Variants in ZIC2 observed in about 807,000 individuals in gnomAD.
ZIC2 encodes the protein zinc finger protein ZIC 2.
Under a neutral mutation model 29.5 loss-of-function variants are expected in ZIC2, and 7 were observed. The ratio of observed to expected loss-of-function variants is 0.24; its 90% CI spans 0.14 to 0.45. The LOEUF (loss-of-function observed/expected upper bound fraction) is 0.45. Ranked by LOEUF, ZIC2 falls within the 20% of genes least tolerant of loss-of-function variation. The probability of loss-of-function intolerance (pLI) is 1.00; values close to 1 mark genes in which losing one functional copy is unlikely to be tolerated. For missense variants in ZIC2, 589 were observed against 781.2 expected, an observed-to-expected ratio of 0.75 and a Z score of 2.93; for synonymous variants, 408 against 354.2, an observed-to-expected ratio of 1.15 and a Z score of -1.70.
rs1463323720 is a variant in ZIC2, at chr13:99,982,364, C to T, written c.300C>T (p.Pro100=). 1 of 1,477,380 alleles carries T rather than the reference C, an allele frequency of 6.8e-7. No individual in the cohort carries two copies. The highest frequency in any genetic ancestry group is 2.6e-5 in the Admixed American group (1 of 39,106). The allele number at this position is 1,477,380 out of a possible 1,614,324, so 91.5% of individuals were successfully genotyped here. ...CCGCTGCGGCCGCAGCGCTCGGGCC[C>T]CACGCCGCGCACGTTGGCTCCTACT... The part of the protein sequence containing the change: ...AAAAAAAALG[P]HAAHVGSYSG... The change falls in exon 1 of 3, where the codon CCC becomes CCT. Residue 100 remains proline, a synonymous_variant. Transcript: ENST00000376335.
chr13:99,981,872 G>C lies in ZIC2; in HGVS notation c.-193G>C. 1 of 1,180,774 alleles carries C rather than the reference G, an allele frequency of 8.5e-7. No individual in the cohort carries two copies. The highest frequency in any genetic ancestry group is 1.6e-5 in the African/African-American group (1 of 61,266). The allele number at this position is 1,180,774 out of a possible 1,614,324, so 73.1% of individuals were successfully genotyped here. On this transcript the variant is annotated 5_prime_UTR_variant, in exon 1 of 3. Transcript: ENST00000376335. ...TCTCCGCGCCTTCGCTACGCGCCCG[G>C]CCGCCCGAGGCAGATCCAGGCGGCG...
Position 99,985,334 on chromosome 13 carries a change from C to A in ZIC2, c.1251C>A (p.Ser417=). 1.3e-6 allele frequency: 2 copies of A among 1,598,272 alleles called. No individual in the cohort carries two copies. Among genetic ancestry groups the A allele is most frequent in the Non-Finnish European group, 1.7e-6 (2 of 1,179,424 alleles). ...CTTTTGTCTTGCAGGTCCATGAGTCCTCCCCGCAGGGCTCTGAATCCTCCC... is the reference window on the plus strand; with the variant it reads ...CTTTTGTCTTGCAGGTCCATGAGTCATCCCCGCAGGGCTCTGAATCCTCCC... ...SLRKHMKVHE[S]SPQGSESSPA... Residue 417 remains serine, a synonymous_variant, in exon 3 of 3, where the codon TCC becomes TCA. Coordinates refer to ENST00000376335, the MANE Select transcript of ZIC2 (RefSeq NM_007129.5). The surrounding 1 kb of genome is among the most constrained non-coding windows in gnomAD (Gnocchi z 6.3).
chr13:99,983,736 T>A lies in ZIC2; in HGVS notation c.1075+597T>A, dbSNP rs901745299. Among the ~76,000 whole-genome samples, 4 of 152,154 alleles carry A rather than the reference T, an allele frequency of 2.6e-5. No homozygotes were observed. Among genetic ancestry groups the A allele is most frequent in the African/African-American group, 9.7e-5 (4 of 41,424 alleles). On this transcript the variant is annotated intron_variant, in intron 1 of 2. Coordinates refer to ENST00000376335, the MANE Select transcript of ZIC2 (RefSeq NM_007129.5). This position sits in a 1 kb window ranked among gnomAD's most constrained non-coding sequence, Gnocchi z 4.7. Reference sequence around the variant, plus strand: ...TGTGGTTTCGCAGCAGTTTGTGAAATTCTCTAATGGGCACCACAGAGTTTG... The same window carrying A: ...TGTGGTTTCGCAGCAGTTTGTGAAAATCTCTAATGGGCACCACAGAGTTTG...
rs1418556330 is a variant in ZIC2 at position 99,981,828 on chromosome 13, C to T, written c.-237C>T. On this transcript the variant is annotated 5_prime_UTR_variant, in exon 1 of 3. Coordinates refer to ENST00000376335, the MANE Select transcript of ZIC2 (RefSeq NM_007129.5). The stretch of plus-strand genomic sequence containing the variant: ...CCTCCTCCTCCTCCTCCCGCGCCGC[C>T]GCCTCCTCCTCCTCTTCCTCTCCGC... 3.8e-6 allele frequency: 3 copies of T among 780,774 alleles called. No individual in the cohort carries two copies. Among genetic ancestry groups the T allele is most frequent in the Non-Finnish European group, 5.6e-6 (3 of 531,840 alleles). The allele number at this position is 780,774 out of a possible 1,614,324, so 48.4% of individuals were successfully genotyped here.
rs111958831 is a variant in ZIC2 at position 99,983,476 on chromosome 13, C to T, written c.1075+337C>T. 6.6e-6 allele frequency among the ~76,000 whole-genome samples: 1 copy of T among 152,084 alleles called. No homozygotes were observed. Among genetic ancestry groups the T allele is most frequent in the African/African-American group, 2.4e-5 (1 of 41,394 alleles). ...TAAAACTGCTCGCTAATTCGGTGCC[C>T]GGGAAGCGAGCCTAGAGAGGATTTT... On this transcript the variant is annotated intron_variant, in intron 1 of 2. Transcript: ENST00000376335. The surrounding 1 kb of genome is among the most constrained non-coding windows in gnomAD (Gnocchi z 4.7).
At position 99,983,361 on chromosome 13, in the gene ZIC2, G is replaced by A. The variant is rs1019061347; in HGVS notation, c.1075+222G>A. Among the ~76,000 whole-genome samples the A allele has an allele frequency of 3.9e-5, 6 of 152,244 alleles. No homozygotes were observed. Among genetic ancestry groups the A allele is most frequent in the Non-Finnish European group, 8.8e-5 (6 of 68,050 alleles). ...GCGGAAATCGAGTTTTGAATGATTAGCCTCACATCAAATGTATGCTTGGGT... is the reference window on the plus strand; with the variant it reads ...GCGGAAATCGAGTTTTGAATGATTAACCTCACATCAAATGTATGCTTGGGT... On this transcript the variant is annotated intron_variant, in intron 1 of 2. Transcript: ENST00000376335. The surrounding 1 kb of genome is among the most constrained non-coding windows in gnomAD (Gnocchi z 4.7).
In ZIC2 at chr13:99,985,500, G is replaced by A. The variant is rs768225481; in HGVS notation, c.1417G>A (p.Ala473Thr). 5 of 1,181,268 alleles carry A rather than the reference G, an allele frequency of 4.2e-6. 1 individual carries two copies. The South Asian group carries it at 1.8e-4, about 44-fold the overall frequency. 73.2% of individuals were successfully genotyped at this position (1,181,268 alleles called of 1,614,324 possible). ...AAAAAAAAVS[A>T]VHRGGGSGSG... Reference sequence around the variant, plus strand: ...TGCGGCGGCGGCGGCCGCGGTGTCCGCGGTGCACCGGGGCGGAGGCTCGGG... The same window carrying A: ...TGCGGCGGCGGCGGCCGCGGTGTCCACGGTGCACCGGGGCGGAGGCTCGGG... Residue 473 changes from alanine (A) to threonine (T), a missense_variant, in exon 3 of 3, where the codon GCG becomes ACG. Physicochemically the swap from Ala to Thr is moderately conservative, Grantham distance 58. Coordinates refer to ENST00000376335, the MANE Select transcript of ZIC2 (RefSeq NM_007129.5). This position sits in a 1 kb window ranked among gnomAD's most constrained non-coding sequence, Gnocchi z 6.3.
In ZIC2 at chr13:99,986,160, A is replaced by G; in HGVS notation, c.*478A>G. 4.9e-6 allele frequency: 2 copies of G among 407,056 alleles called. No individual in the cohort carries two copies. Among genetic ancestry groups the G allele is most frequent in the Non-Finnish European group, 9.6e-6 (2 of 209,410 alleles). The allele number at this position is 407,056 out of a possible 1,614,324, so 25.2% of individuals were successfully genotyped here. A position where few individuals can be genotyped will look rare whatever the true frequency, so the allele number is the denominator to read the frequency against. The stretch of plus-strand genomic sequence containing the variant: ...TCCGCCCCTTCCCTTCCCTAAAGTG[A>G]TGGGCTTTCTCTTTTCTCTTTTTAG... On this transcript the variant is annotated 3_prime_UTR_variant, in exon 3 of 3. Coordinates refer to ENST00000376335, the MANE Select transcript of ZIC2 (RefSeq NM_007129.5).
In ZIC2 at chr13:99,984,078, G is replaced by T. The variant is rs574947532; in HGVS notation, c.1076-868G>T. Among the ~76,000 whole-genome samples, 196 of 152,354 alleles carry T rather than the reference G, an allele frequency of 1.3e-3. 2 individuals are homozygous for T. Among genetic ancestry groups the T allele is most frequent in the African/African-American group, 3.6e-3 (148 of 41,584 alleles). On this transcript the variant is annotated intron_variant, in intron 1 of 2. Transcript: ENST00000376335. ...GCTTTTAACAAGGTTTAAAATTTGA[G>T]AAATTTATTTGCATGAAATGCTCGC...
rs1342319229 is a variant in ZIC2 at position 99,982,558 on chromosome 13, A to C, written c.494A>C (p.Gln165Pro). 1 of 1,555,022 alleles carries C rather than the reference A, an allele frequency of 6.4e-7. No individual in the cohort carries two copies. Among genetic ancestry groups the C allele is most frequent in the Non-Finnish European group, 8.7e-7 (1 of 1,154,970 alleles). ...CTCCTCTTCCCGGGCCTGCCAGAGC[A>C]GCACGGGCCGCACGGCTCGCAGAAT... ...GHLLFPGLPE[Q>P]HGPHGSQNVL... Residue 165 changes from glutamine (Q) to proline (P), a missense_variant, in exon 1 of 3, where the codon CAG becomes CCG. By Grantham distance (76) the Gln-to-Pro change is moderately conservative (BLOSUM62 -1). Around this residue, in one of 7 missense-constraint regions of ZIC2, gnomAD observed 358 missense variants for 382.0 expected, o/e 0.94. Coordinates refer to ENST00000376335, the MANE Select transcript of ZIC2 (RefSeq NM_007129.5).
In ZIC2 at chr13:99,982,053, G is replaced by A. The variant is rs1488618559; in HGVS notation, c.-12G>A. On this transcript the variant is annotated 5_prime_UTR_variant, in exon 1 of 3. Coordinates refer to ENST00000376335, the MANE Select transcript of ZIC2 (RefSeq NM_007129.5). ...GGCGCAGGGCTCGCAGGGGCGGGCG[G>A]GCGCGCTGGCCATGCTCCTGGACGC... 8 of 1,229,034 alleles carry A rather than the reference G, an allele frequency of 6.5e-6. No homozygotes were observed. Among genetic ancestry groups the A allele is most frequent in the African/African-American group, 3.1e-5 (2 of 63,802 alleles). The allele number at this position is 1,229,034 out of a possible 1,614,324, so 76.1% of individuals were successfully genotyped here.
In ZIC2 at chr13:99,985,217, CG is replaced by C; in HGVS notation, c.1240-100del. Reference sequence around the variant, plus strand: ...GGAGGGTCCCCAGGGGCCAGGGCGGCGGGGGGAACATTTCTGGGGGTGCTCT... The same window carrying C: ...GGAGGGTCCCCAGGGGCCAGGGCGGCGGGGGAACATTTCTGGGGGTGCTCT... On this transcript the variant is annotated intron_variant, in intron 2 of 2. Transcript: ENST00000376335. This position sits in a 1 kb window ranked among gnomAD's most constrained non-coding sequence, Gnocchi z 6.3. 6.2e-7 allele frequency: 1 copy of C among 1,602,382 alleles called. No homozygotes were observed. The highest frequency in any genetic ancestry group is 8.5e-7 in the Non-Finnish European group (1 of 1,174,492).
At position 99,985,836 on chromosome 13, in the gene ZIC2, GTT is replaced by G. The variant is rs34544768; in HGVS notation, c.*169_*170del. On this transcript the variant is annotated 3_prime_UTR_variant, in exon 3 of 3. Coordinates refer to ENST00000376335, the MANE Select transcript of ZIC2 (RefSeq NM_007129.5). This position sits in a 1 kb window ranked among gnomAD's most constrained non-coding sequence, Gnocchi z 6.3. ...TTTACCAGCAGAAGGATTTTTTAAA[GTT>G]TTTTTTTTTTTTTTAATAATAATCT... is the stretch of plus-strand genomic sequence containing the variant. 4.6e-4 allele frequency: 85 copies of G among 185,784 alleles called. No homozygotes were observed. The highest frequency in any genetic ancestry group is 4.0e-3 in the Middle Eastern group (2 of 496). 11.5% of individuals were successfully genotyped at this position (185,784 alleles called of 1,614,324 possible).
chr13:99,981,943 C>A lies in ZIC2; in HGVS notation c.-122C>A. 8.6e-7 allele frequency: 1 copy of A among 1,169,212 alleles called. No individual in the cohort carries two copies. Among genetic ancestry groups the A allele is most frequent in the East Asian group, 4.2e-5 (1 of 23,866 alleles). The allele number at this position is 1,169,212 out of a possible 1,614,324, so 72.4% of individuals were successfully genotyped here. On this transcript the variant is annotated 5_prime_UTR_variant, in exon 1 of 3. Transcript: ENST00000376335. ...AGAGCGGCTCCCAGGGCTGAAGTGGCCGCCACCACCGCCGCCTGCGCCTGG... is the reference window on the plus strand; with the variant it reads ...AGAGCGGCTCCCAGGGCTGAAGTGGACGCCACCACCGCCGCCTGCGCCTGG...
rs770309821 is a variant in ZIC2, at chr13:99,985,706, C to G, written c.*24C>G. The G allele has an allele frequency of 9.1e-6, 12 of 1,315,642 alleles. No homozygotes were observed. The South Asian group carries it at 1.8e-4, about 19-fold the overall frequency. 81.5% of individuals were successfully genotyped at this position (1,315,642 alleles called of 1,614,324 possible). On this transcript the variant is annotated 3_prime_UTR_variant, in exon 3 of 3. Coordinates refer to ENST00000376335, the MANE Select transcript of ZIC2 (RefSeq NM_007129.5). This position sits in a 1 kb window ranked among gnomAD's most constrained non-coding sequence, Gnocchi z 6.3. ...GACGGGTCGGGGCCTCTCTCCCTCT[C>G]CCTGTCCCCACCCCAGCGCAGCAGC...
chr13:99,983,175 G>A lies in ZIC2; in HGVS notation c.1075+36G>A. The A allele has an allele frequency of 6.2e-7, 1 of 1,608,120 alleles. No homozygotes were observed. The highest frequency in any genetic ancestry group is 8.5e-7 in the Non-Finnish European group (1 of 1,177,556). On this transcript the variant is annotated intron_variant, in intron 1 of 2. Coordinates refer to ENST00000376335, the MANE Select transcript of ZIC2 (RefSeq NM_007129.5). The surrounding 1 kb of genome is among the most constrained non-coding windows in gnomAD (Gnocchi z 4.7). ...GCTGGGACAGGGACCAGGCGCGGAG[G>A]GGAGACACGCACAGGCTGAGACTCA...
rs922919193 is a variant in ZIC2, at chr13:99,986,651, G to A, written c.*969G>A. ...TTCTTAACTATAAATATGTACAATT[G>A]TGGGCATAAACTGTTTCAGATTTTT... On this transcript the variant is annotated 3_prime_UTR_variant, in exon 3 of 3. Transcript: ENST00000376335. 6.5e-6 allele frequency: 1 copy of A among 152,842 alleles called. No individual in the cohort carries two copies. Among genetic ancestry groups the A allele is most frequent in the Non-Finnish European group, 1.5e-5 (1 of 68,092 alleles). 9.5% of individuals were successfully genotyped at this position (152,842 alleles called of 1,614,324 possible). A position where few individuals can be genotyped will look rare whatever the true frequency, so the allele number is the denominator to read the frequency against.
In ZIC2 at chr13:99,985,636, G is replaced by C. The variant is rs1197187123; in HGVS notation, c.1553G>C (p.Gly518Ala). The change falls in exon 3 of 3, where the codon GGG becomes GCG. Residue 518 changes from glycine to alanine, a missense_variant. By Grantham distance (60) the Gly-to-Ala change is moderately conservative. This residue lies in a region of ZIC2 where 135 missense variants were observed against 136.7 expected (regional missense o/e 0.99). Coordinates refer to ENST00000376335, the MANE Select transcript of ZIC2 (RefSeq NM_007129.5). This position sits in a 1 kb window ranked among gnomAD's most constrained non-coding sequence, Gnocchi z 6.3. ...TCTGGCGGGGGCAGCGGGACAGCCG[G>C]GGGTCACAGCGGCCTCTCCTCCAAC... ...GSSGGGSGTA[G>A]GHSGLSSNFN... The C allele has an allele frequency of 1.3e-5, 17 of 1,281,194 alleles. No individual in the cohort carries two copies. Among genetic ancestry groups the C allele is most frequent in the Non-Finnish European group, 1.6e-5 (16 of 995,076 alleles). The allele number at this position is 1,281,194 out of a possible 1,614,324, so 79.4% of individuals were successfully genotyped here. A position where few individuals can be genotyped will look rare whatever the true frequency, so the allele number is the denominator to read the frequency against.
At chr13:99,984,750 A>G (rs2053254534) in intron 1 of ZIC2, 196 bp from the exon 2 acceptor site, 1 of 621,414 alleles carries the variant, frequency 1.6e-6, no homozygotes, top group Non-Finnish European at 2.8e-6. Flanking sequence ...AAAATACGAA[A>G]TAAATGAGCA....
Sources: allele counts gnomAD v4.1 joint callset (sites outside exome capture counted in the v4.1 genomes callset), GRCh38; gene constraint gnomAD v4.1.1; regional missense constraint gnomAD v4.1.1; non-coding constraint Gnocchi (gnomAD v3.1); transcripts MANE v1.5; gene names NCBI Gene and HGNC (gene_info 2026-07-23, HGNC 2026-07-21).